Variants in SYNE2 observed in about 807,000 individuals in gnomAD.
The protein encoded by SYNE2 is spectrin repeat containing nuclear envelope protein 2.
A neutral mutation model predicts 856.3 loss-of-function variants in SYNE2; 431 were observed. The ratio of observed to expected loss-of-function variants is 0.50; its 90% CI spans 0.47 to 0.55. The LOEUF is 0.55. SYNE2 is among the 20% of genes least tolerant of loss of function. The pLI is 0.00. For missense variants in SYNE2, 8,129 were observed against 8,023.2 expected (o/e 1.01, Z -0.50); for synonymous variants, 2,923 against 2,872.3 (o/e 1.02, Z -0.56).
chr14:64,105,907 A>G (rs1171533316), intron 64 of SYNE2, among the ~76,000 whole-genome samples: 5 of 151,902 alleles, frequency 3.3e-5, no homozygotes, highest in African/African-American at 1.2e-4. Flanking sequence ...AAAAAATACA[A>G]AATTAGCCGG....
intron 66 of SYNE2, among the ~76,000 whole-genome samples, chr14:64,114,981 G>A (rs1452735469): frequency 1.3e-5 from 2 of 152,230 alleles, no homozygotes; most frequent in Non-Finnish European, 2.9e-5. Flanking sequence ...TGGCCTGGCT[G>A]ATGAGGCCCA....
intron 18 of SYNE2, among the ~76,000 whole-genome samples, chr14:63,985,582 G>A (rs1205348937): frequency 6.6e-6 from 1 of 152,036 alleles, no homozygotes; most frequent in Non-Finnish European, 1.5e-5. Context: ...TGTGTTTATA[G>A]TCACCCTAAT....
chr14:63,981,016 A>G lies in SYNE2; in HGVS notation c.1679A>G (p.Tyr560Cys). The change falls in exon 16 of 116, where the codon TAT (tyrosine) becomes TGT (cysteine). Residue 560 changes from tyrosine to cysteine, a missense_variant. Around this residue, in one of 3 missense-constraint regions of SYNE2, gnomAD observed 2,422 missense variants for 2,357.4 expected, o/e 1.03. Coordinates refer to ENST00000555002, the MANE Select transcript of SYNE2 (RefSeq NM_182914.3). ...GAATGTCAGAATATTAATAAACAGT[A>G]TATGATGGTGAAATCTGATGTTTGT... ...AGECQNINKQ[Y>C]MMVKSDVCMY... is the part of the protein sequence containing the mutation. The G allele has an allele frequency of 6.4e-7, 1 of 1,569,198 alleles. No homozygotes were observed.
chr14:64,163,317 C>T (rs2098343018), intron 88 of SYNE2, 85 bp from the exon 89 acceptor site: 1 of 1,483,790 alleles, frequency 6.7e-7, no homozygotes, highest in Non-Finnish European at 9.4e-7. Context: ...CAAATATTCT[C>T]CTAGATTTTG....
At chr14:64,020,995 T>G (rs1356448223) in intron 35 of SYNE2, among the ~76,000 whole-genome samples, 4 of 152,218 alleles carry the variant, frequency 2.6e-5, no homozygotes, top group Non-Finnish European at 5.9e-5. Context: ...TTCCATATAT[T>G]TTTCTTTATA....
chr14:63,990,653 C>G (rs2096659669), intron 20 of SYNE2, 84 bp downstream of exon 20: 1 of 1,192,190 alleles, frequency 8.4e-7, no homozygotes, highest in East Asian at 2.3e-5. Flanking sequence ...GGGGTGATAG[C>G]CCTGTAGCTT....
At chr14:63,833,898 A>G (rs1889756921) in intron 1 of SYNE2, among the ~76,000 whole-genome samples, 1 of 151,978 alleles carries the variant, frequency 6.6e-6, no homozygotes, top group African/African-American at 2.4e-5. Flanking sequence ...TCTGTATTTC[A>G]TCAACTAAAA....
At chr14:64,110,007 G>A (rs2097794367) in intron 65 of SYNE2, among the ~76,000 whole-genome samples, 1 of 152,188 alleles carries the variant, frequency 6.6e-6, no homozygotes, top group Admixed American at 6.5e-5. Context: ...ATCAAGCTAG[G>A]CATGACCTCA....
rs2098309695 is a variant in SYNE2 at position 64,159,179 on chromosome 14, A to G, written c.15964-133A>G. The G allele has an allele frequency of 3.2e-6, 4 of 1,254,610 alleles. No homozygotes were observed. In the Admixed American group the frequency reaches 5.5e-5, roughly 17 times the overall value. The allele number at this position is 1,254,610 out of a possible 1,614,324, so 77.7% of individuals were successfully genotyped here. ...ATGCCTTCTCCATTGTTTTCTTCAC[A>G]TTCCTAATAGTTTATCAGAGCTGTA... is the stretch of plus-strand genomic sequence containing the variant. On this transcript the variant is annotated intron_variant, in intron 86 of 115. Transcript: ENST00000555002.
intron 10 of SYNE2, 62 bp from the exon 11 acceptor site, chr14:63,967,647 A>G: frequency 3.9e-6 from 6 of 1,543,418 alleles, no homozygotes; most frequent in Non-Finnish European, 5.3e-6. Flanking sequence ...TCAAAATAAC[A>G]GATTATATGA....
intron 73 of SYNE2, among the ~76,000 whole-genome samples, chr14:64,127,928 CA>C (rs1315431534): frequency 6.6e-6 from 1 of 151,866 alleles, no homozygotes; most frequent in Admixed American, 6.6e-5. Context: ...ATTCAAGAAA[CA>C]AAAAAAGTGG....
chr14:63,910,601 C>T (rs140878229), intron 2 of SYNE2, among the ~76,000 whole-genome samples: 35 of 152,280 alleles, frequency 2.3e-4, no homozygotes, highest in Admixed American at 1.7e-3. Flanking sequence ...TTGCATGTAA[C>T]GTTTTGGCTG....
chr14:64,049,607 T>G lies in SYNE2; in HGVS notation c.7378-4T>G. ...ATTGACTGATCTGTGTGACTTATTTTTAGAAATTATATACCCAGTTGGAAG... is the reference window on the plus strand; with the variant it reads ...ATTGACTGATCTGTGTGACTTATTTGTAGAAATTATATACCCAGTTGGAAG... On this transcript the variant is annotated splice_polypyrimidine_tract_variant and splice_region_variant and intron_variant, in intron 46 of 115. Coordinates refer to ENST00000555002, the MANE Select transcript of SYNE2 (RefSeq NM_182914.3). 1 of 1,613,954 alleles carries G rather than the reference T, an allele frequency of 6.2e-7. No individual in the cohort carries two copies. Among genetic ancestry groups the G allele is most frequent in the African/African-American group, 1.3e-5 (1 of 75,012 alleles).
chr14:64,179,733 T>C (rs927742561), intron 96 of SYNE2, among the ~76,000 whole-genome samples: 4 of 152,212 alleles, frequency 2.6e-5, no homozygotes, highest in Non-Finnish European at 4.4e-5. Flanking sequence ...GGGCTATTTG[T>C]CTTTTTCTTA....
chr14:64,030,953 C>A, intron 44 of SYNE2, 63 bp from the exon 45 acceptor site: 2 of 1,266,690 alleles, frequency 1.6e-6, no homozygotes, highest in African/African-American at 1.5e-5. Flanking sequence ...CTGTGATTTA[C>A]AAAAGTCAAT....
chr14:64,225,382 C>T lies in SYNE2; in HGVS notation c.20580C>T (p.Pro6860=). 1 of 1,614,132 alleles carries T rather than the reference C, an allele frequency of 6.2e-7. No individual in the cohort carries two copies. Among genetic ancestry groups the T allele is most frequent in the Middle Eastern group, 1.6e-4 (1 of 6,062 alleles). Residue 6860 remains proline (P), a synonymous_variant, in exon 116 of 116, where the codon CCC becomes CCT. Transcript: ENST00000555002. Reference sequence around the variant, plus strand: ...CAAGGGTGGTCCGGGCAGCCCTACCCCTGCAGCTGCTCCTCCTGCTGCTGC... The same window carrying T: ...CAAGGGTGGTCCGGGCAGCCCTACCTCTGCAGCTGCTCCTCCTGCTGCTGC... ...FLSRVVRAAL[P]LQLLLLLLLL...
At position 64,062,893 on chromosome 14, in the gene SYNE2, A is replaced by G. The variant is rs1367640429; in HGVS notation, c.10210A>G (p.Lys3404Glu). 3 of 1,614,040 alleles carry G rather than the reference A, an allele frequency of 1.9e-6. No homozygotes were observed. The Admixed American group carries it at 5.0e-5, about 27-fold the overall frequency. The change falls in exon 50 of 116, where the codon AAG becomes GAG. Residue 3404 changes from lysine (K) to glutamate (E), a missense_variant and splice_region_variant. Lys to Glu is a moderately conservative substitution (Grantham distance 56). This residue lies in a region of SYNE2 where 5,410 missense variants were observed against 5,284.8 expected (regional missense o/e 1.02). Transcript: ENST00000555002. ...REALERLEQS[K>E]ALVSNLISTK... The stretch of plus-strand genomic sequence containing the variant: ...AGCTTTAGAGCGCTTGGAACAGAGC[A>G]AGGTAATAGTATTGGCAATTAGCCA...
chr14:63,812,813 A>C (rs1438945717), intron 1 of SYNE2, among the ~76,000 whole-genome samples: 1 of 152,206 alleles, frequency 6.6e-6, no homozygotes, highest in Non-Finnish European at 1.5e-5. Flanking sequence ...ACTAGCTTCT[A>C]GGTGCAGCAA....
At chr14:64,150,632 G>C (rs2098233732) in intron 84 of SYNE2, among the ~76,000 whole-genome samples, 1 of 152,170 alleles carries the variant, frequency 6.6e-6, no homozygotes, top group Non-Finnish European at 1.5e-5. Flanking sequence ...CATTATAGGG[G>C]AATTATGACA....
Sources: allele counts gnomAD v4.1 joint callset (sites outside exome capture counted in the v4.1 genomes callset), GRCh38; gene constraint gnomAD v4.1.1; regional missense constraint gnomAD v4.1.1; transcripts MANE v1.5; gene names NCBI Gene and HGNC (gene_info 2026-07-23, HGNC 2026-07-21).